The following DNAH10 variants were observed in gnomAD, a reference collection of about 807,000 sequenced individuals.
DNAH10 encodes the protein dynein axonemal heavy chain 10.
DNAH10 carries 348 observed loss-of-function variants against 506.6 expected under a neutral mutation model. The ratio of observed to expected loss-of-function variants is 0.69; its 90% CI spans 0.63 to 0.75. The LOEUF (loss-of-function observed/expected upper bound fraction) is 0.75, where lower values mean the gene tolerates loss of function less well. Ranked by LOEUF, DNAH10 falls within the 30% of genes least tolerant of loss-of-function variation. DNAH10 has a pLI of 0.00. For missense variants in DNAH10, 5,179 were observed against 5,787.1 expected (o/e 0.89, Z 3.41); for synonymous variants, 2,059 against 2,198.6 (o/e 0.94, Z 1.78).
intron 49 of DNAH10, 46 bp downstream of exon 49, chr12:123,879,403 A>G (rs753973952): frequency 3.2e-6 from 5 of 1,542,520 alleles, no homozygotes; most frequent in Non-Finnish European, 4.4e-6. Context: ...TCTCAGGAAA[A>G]TAAACAAGCG....
chr12:123,776,512 T>TG (rs1957445421), intron 5 of DNAH10, among the ~76,000 whole-genome samples: 1 of 151,222 alleles, frequency 6.6e-6, no homozygotes, highest in Non-Finnish European at 1.5e-5. Flanking sequence ...AGATGGAGGA[T>TG]GGGGAGAAAC....
chr12:123,847,530 C>A (rs1409473276), intron 32 of DNAH10, among the ~76,000 whole-genome samples: 1 of 151,998 alleles, frequency 6.6e-6, no homozygotes, highest in Non-Finnish European at 1.5e-5. Flanking sequence ...GCCTGAGAAC[C>A]CGAAGTGCCA....
chr12:123,814,044 A>C, intron 21 of DNAH10, 132 bp downstream of exon 21: 1 of 762,378 alleles, frequency 1.3e-6, no homozygotes, highest in Non-Finnish European at 2.0e-6. Context: ...TACATTGTAA[A>C]TGTAAAGCAA....
At chr12:123,789,022 G>A (rs1957976102) in intron 10 of DNAH10, among the ~76,000 whole-genome samples, 1 of 152,168 alleles carries the variant, frequency 6.6e-6, no homozygotes. Flanking sequence ...GGCCAAGGTG[G>A]GCGGATCACG....
At chr12:123,794,140 G>C in intron 12 of DNAH10, 28 bp downstream of exon 12, 1 of 1,126,320 alleles carries the variant, frequency 8.9e-7, no homozygotes, top group Non-Finnish European at 1.1e-6. Flanking sequence ...AGCTGCCATA[G>C]CATTAAAAAT....
chr12:123,819,325 A>C, intron 23 of DNAH10, 75 bp downstream of exon 23: 2 of 1,060,626 alleles, frequency 1.9e-6, no homozygotes, highest in Non-Finnish European at 2.8e-6. Flanking sequence ...TAAGAGTTTT[A>C]TGGCAAGTGA....
chr12:123,868,680 C>T (rs1018716750), intron 43 of DNAH10, among the ~76,000 whole-genome samples: 1 of 152,158 alleles, frequency 6.6e-6, no homozygotes. Context: ...ATGGTAGGAC[C>T]CTTCTTTATC....
chr12:123,887,906 G>A (rs1056003993), intron 52 of DNAH10, among the ~76,000 whole-genome samples: 3 of 151,996 alleles, frequency 2.0e-5, no homozygotes, highest in African/African-American at 7.3e-5. Context: ...CACCATGCCC[G>A]GCTAATTTTT....
At position 123,826,905 on chromosome 12, in the gene DNAH10, T is replaced by C; in HGVS notation, c.4391+7T>C. 1 of 1,608,378 alleles carries C rather than the reference T, an allele frequency of 6.2e-7. No individual in the cohort carries two copies. The highest frequency in any genetic ancestry group is 8.5e-7 in the Non-Finnish European group (1 of 1,176,504). On this transcript the variant is annotated splice_region_variant and intron_variant, in intron 25 of 78. Coordinates refer to ENST00000673944, the MANE Select transcript of DNAH10 (RefSeq NM_001372106.1). ...ACGAGGCACTAAGAGACAGGTTTGT[T>C]TTGTCCTCTGTCCGCAGATGTAAAA...
chr12:123,895,999 G>C (rs1001350430), intron 54 of DNAH10, among the ~76,000 whole-genome samples: 1 of 151,798 alleles, frequency 6.6e-6, no homozygotes, highest in Non-Finnish European at 1.5e-5. Context: ...TGTAATCCCA[G>C]CTACTCAGGA....
intron 49 of DNAH10, 131 bp from the exon 50 acceptor site, chr12:123,879,503 C>A: frequency 6.8e-7 from 1 of 1,462,886 alleles, no homozygotes; most frequent in South Asian, 1.3e-5. Flanking sequence ...GGTTATTAAG[C>A]GTCTTGCAGC....
rs1239876192 is a variant in DNAH10 at position 123,850,972 on chromosome 12, C to G, written c.6187C>G (p.Pro2063Ala). The G allele has an allele frequency of 1.2e-6, 2 of 1,614,102 alleles. No homozygotes were observed. Among genetic ancestry groups the G allele is most frequent in the Non-Finnish European group, 1.7e-6 (2 of 1,179,978 alleles). ...CGGCTACGCAGGCCGCACGGAGCTG[C>G]CCGAGTCGGTGAAGGCGCTGTTCAG... ...NPGYAGRTELPESVKALFRPV... is the reference protein window; with the variant it reads ...NPGYAGRTELAESVKALFRPV... The change falls in exon 35 of 79, where the codon CCC becomes GCC. Residue 2063 changes from proline to alanine, a missense_variant. Physicochemically the swap from Pro to Ala is conservative, Grantham distance 27. This residue lies in a region of DNAH10 where 4,844 missense variants were observed against 5,430.5 expected (regional missense o/e 0.89). Coordinates refer to ENST00000673944, the MANE Select transcript of DNAH10 (RefSeq NM_001372106.1). The surrounding 1 kb of genome is among the most constrained non-coding windows in gnomAD (Gnocchi z 5.5).
In DNAH10 at chr12:123,877,867, C is replaced by G. The variant is rs1952329466; in HGVS notation, c.8331C>G (p.Leu2777=). ...KFHYIFNLRD[L]SRVFNGLVLT... ...ATTACATCTTCAACCTTCGAGATCTCTCACGGGTTTTTAATGGTCTTGTCC... is the reference window on the plus strand; with the variant it reads ...ATTACATCTTCAACCTTCGAGATCTGTCACGGGTTTTTAATGGTCTTGTCC... Residue 2777 remains leucine, a synonymous_variant, in exon 48 of 79, where the codon CTC becomes CTG. Coordinates refer to ENST00000673944, the MANE Select transcript of DNAH10 (RefSeq NM_001372106.1). The G allele has an allele frequency of 6.2e-7, 1 of 1,613,966 alleles. No individual in the cohort carries two copies.
At position 123,853,816 on chromosome 12, in the gene DNAH10, A is replaced by ACACACGCACG. The variant is rs1422810891; in HGVS notation, c.6438+470_6438+479dup. Among the ~76,000 whole-genome samples, 1 of 151,470 alleles carries ACACACGCACG rather than the reference A, an allele frequency of 6.6e-6. No individual in the cohort carries two copies. Among genetic ancestry groups the ACACACGCACG allele is most frequent in the African/African-American group, 2.4e-5 (1 of 41,014 alleles). On this transcript the variant is annotated intron_variant, in intron 36 of 78. Transcript: ENST00000673944. The surrounding 1 kb of genome is among the most constrained non-coding windows in gnomAD (Gnocchi z 4.7). ...AGTGACTGTACTCAATGTTGCACGCACACACGCACGCACACACACGCACAC... is the reference window on the plus strand; with the variant it reads ...AGTGACTGTACTCAATGTTGCACGCACACACGCACGCACACGCACGCACACACACGCACAC...
In DNAH10 at chr12:123,935,214, C is replaced by T. The variant is rs565886471; in HGVS notation, c.13624-121C>T. On this transcript the variant is annotated intron_variant, in intron 78 of 78. Transcript: ENST00000673944. ...GGCCCTGAGCAGCCCCAGCCTTGTG[C>T]GTGTTCTCAGGTGCAGTCTTGCACA... 2.2e-4 allele frequency: 270 copies of T among 1,205,498 alleles called. 1 individual carries two copies. In the East Asian group the frequency reaches 4.7e-3, roughly 21 times the overall value. The allele number at this position is 1,205,498 out of a possible 1,614,324, so 74.7% of individuals were successfully genotyped here. A position where few individuals can be genotyped will look rare whatever the true frequency, so the allele number is the denominator to read the frequency against.
intron 16 of DNAH10, among the ~76,000 whole-genome samples, chr12:123,802,730 CT>C (rs772071953): frequency 0.12 from 15,373 of 131,848 alleles, 1,373 homozygotes; most frequent in African/African-American, 0.28. Flanking sequence ...TTTGCTGTCA[CT>C]TTTTTTTTTT....
chr12:123,914,688 G>C (rs964514547), intron 61 of DNAH10, 138 bp downstream of exon 61: 4 of 1,385,444 alleles, frequency 2.9e-6, no homozygotes, highest in Admixed American at 2.4e-5. Flanking sequence ...GGAAGTGGCC[G>C]GGCAAGCTGC....
chr12:123,782,399 C>G (rs1259148546), intron 6 of DNAH10, among the ~76,000 whole-genome samples: 1 of 106,200 alleles, frequency 9.4e-6, no homozygotes, highest in African/African-American at 3.8e-5. Context: ...TCTTTCCTTT[C>G]TTTCTTTCTT....
chr12:123,809,455 G>T (rs907156994), intron 19 of DNAH10, among the ~76,000 whole-genome samples: 3 of 152,136 alleles, frequency 2.0e-5, no homozygotes, highest in African/African-American at 4.8e-5. Flanking sequence ...AGACCAGCCT[G>T]TGCAACATGG....
Sources: allele counts gnomAD v4.1 joint callset (sites outside exome capture counted in the v4.1 genomes callset), GRCh38; gene constraint gnomAD v4.1.1; regional missense constraint gnomAD v4.1.1; non-coding constraint Gnocchi (gnomAD v3.1); transcripts MANE v1.5; gene names NCBI Gene and HGNC (gene_info 2026-07-23, HGNC 2026-07-21).